The following PRAG1 variants were observed in gnomAD, a reference collection of about 807,000 sequenced individuals.
PRAG1 encodes the protein inactive tyrosine-protein kinase PRAG1.
Under a neutral mutation model 95.6 loss-of-function variants are expected in PRAG1, and 110 were observed. The observed-to-expected ratio is 1.15, with a 90% CI of 0.99 to 1.35. PRAG1 has a LOEUF of 1.35. PRAG1 is among the 40% of genes most tolerant of loss of function. The pLI is 0.00. For missense variants in PRAG1, 2,554 were observed against 1,864.7 expected (o/e 1.37, Z -6.81); for synonymous variants, 1,052 against 819.4 (o/e 1.28, Z -4.85).
chr8:8,374,607 C>T, intron 3 of PRAG1: 1 of 957,820 alleles, frequency 1.0e-6, no homozygotes, highest in Non-Finnish European at 1.2e-6. Flanking sequence ...CTTTTAAATC[C>T]ATCCCTGGCC....
chr8:8,354,152 C>T (rs1431139981), intron 3 of PRAG1, among the ~76,000 whole-genome samples: 1 of 151,736 alleles, frequency 6.6e-6, no homozygotes. Context: ...CTATTATGAA[C>T]AATTATATGC....
At position 8,328,205 on chromosome 8, in the gene PRAG1, T is replaced by A; in HGVS notation, c.2577A>T (p.Glu859Asp). ...LSHSETNVHD[E>D]SHFSYSLSPG... ...GGCTCAACGAATAGCTAAAGTGAGA[T>A]TCGTCGTGGACGTTGGTTTCCGAGT... Residue 859 changes from glutamate (E) to aspartate (D), a missense_variant, in exon 5 of 6, where the codon GAA becomes GAT. Coordinates refer to ENST00000615670, the MANE Select transcript of PRAG1 (RefSeq NM_001080826.3). 1 of 1,614,220 alleles carries A rather than the reference T, an allele frequency of 6.2e-7. No homozygotes were observed. Among genetic ancestry groups the A allele is most frequent in the Admixed American group, 1.7e-5 (1 of 60,034 alleles).
Position 8,376,383 on chromosome 8 carries a change from G to C in PRAG1, c.2026C>G (p.Pro676Ala). ...TTCTGCCCAGAGGAGCCATCTGTGG[G>C]GTGGAGACGGTGCCAGGTCGTGGAG... ...SNSTTWHRLH[P>A]TDGSSGQNSK... Residue 676 changes from proline to alanine, a missense_variant, in exon 3 of 6, where the codon CCC becomes GCC. Transcript: ENST00000615670. 1 of 1,614,146 alleles carries C rather than the reference G, an allele frequency of 6.2e-7. No individual in the cohort carries two copies. The highest frequency in any genetic ancestry group is 8.5e-7 in the Non-Finnish European group (1 of 1,180,042).
chr8:8,352,621 T>C (rs1046671805), intron 3 of PRAG1, among the ~76,000 whole-genome samples: 16 of 152,230 alleles, frequency 1.1e-4, no homozygotes, highest in African/African-American at 3.6e-4. Context: ...AGAAGTGAGA[T>C]GACCATATGC....
In PRAG1 at chr8:8,339,517, C is replaced by T. The variant is rs1372338959; in HGVS notation, c.2281G>A (p.Asp761Asn). 6.2e-7 allele frequency: 1 copy of T among 1,614,190 alleles called. No individual in the cohort carries two copies. Among genetic ancestry groups the T allele is most frequent in the Middle Eastern group, 1.7e-4 (1 of 6,054 alleles). Reference sequence around the variant, plus strand: ...GTCCTAGAGTCTGAGGCCAGGCTGTCCGTGGAGCCGGTGGTGAAGCTGACG... The same window carrying T: ...GTCCTAGAGTCTGAGGCCAGGCTGTTCGTGGAGCCGGTGGTGAAGCTGACG... The part of the protein sequence containing the change: ...VHVSFTTGST[D>N]SLASDSRTCS... The change falls in exon 4 of 6, where the codon GAC (aspartate) becomes AAC (asparagine). Residue 761 changes from aspartate to asparagine, a missense_variant. Transcript: ENST00000615670.
chr8:8,341,909 G>A (rs562702245), intron 3 of PRAG1, among the ~76,000 whole-genome samples: 1 of 152,274 alleles, frequency 6.6e-6, no homozygotes, highest in South Asian at 2.1e-4. Context: ...AAGGCGGGCA[G>A]ATCACTTGAG....
At chr8:8,340,284 G>C (rs997629678) in intron 3 of PRAG1, among the ~76,000 whole-genome samples, 1 of 152,160 alleles carries the variant, frequency 6.6e-6, no homozygotes, top group Admixed American at 6.5e-5. Flanking sequence ...TCTCTAAATA[G>C]CATCACCAAC....
intron 3 of PRAG1, among the ~76,000 whole-genome samples, chr8:8,346,822 T>C (rs6996615): frequency 0.025 from 3,794 of 152,222 alleles, 123 homozygotes; most frequent in African/African-American, 0.079. Context: ...CTGACTTTTG[T>C]TTGGTTCACA....
intron 4 of PRAG1, among the ~76,000 whole-genome samples, chr8:8,337,539 A>C (rs2117140659): frequency 6.6e-6 from 1 of 152,292 alleles, no homozygotes; most frequent in African/African-American, 2.4e-5. Context: ...GCCAGTTTCA[A>C]AACATGGTTC....
intron 3 of PRAG1, among the ~76,000 whole-genome samples, chr8:8,341,286 A>G (rs1799154433): frequency 6.6e-6 from 1 of 152,254 alleles, no homozygotes; most frequent in Non-Finnish European, 1.5e-5. Flanking sequence ...ACCAAAAAAT[A>G]CATAAACATG....
rs750550295 is a variant in PRAG1 at position 8,318,700 on chromosome 8, G to A, written c.3675C>T (p.Gly1225=). The change falls in exon 6 of 6, where the codon GGC becomes GGT. Residue 1225 remains glycine, a synonymous_variant. Coordinates refer to ENST00000615670, the MANE Select transcript of PRAG1 (RefSeq NM_001080826.3). This position sits in a 1 kb window ranked among gnomAD's most constrained non-coding sequence, Gnocchi z 4.2. ...SNFLKAKQKP[G]GTPNLQQKKS... ...TCTTCTGCTGCAGGTTTGGGGTGCC[G>A]CCCGGCTTCTGCTTGGCCTTCAAAA... 3 of 1,610,068 alleles carry A rather than the reference G, an allele frequency of 1.9e-6. No homozygotes were observed. Among genetic ancestry groups the A allele is most frequent in the East Asian group, 2.2e-5 (1 of 44,782 alleles).
intron 5 of PRAG1, among the ~76,000 whole-genome samples, chr8:8,321,635 G>A (rs1219618887): frequency 1.3e-5 from 2 of 152,158 alleles, no homozygotes; most frequent in African/African-American, 4.8e-5. Flanking sequence ...TAAATCCAAG[G>A]AGGAAGATGC....
chr8:8,318,321 G>A lies in PRAG1; in HGVS notation c.4054C>T (p.His1352Tyr). The part of the protein sequence containing the change: ...TSEEALCGTL[H>Y]NWIDMKRALM... Reference sequence around the variant, plus strand: ...GCCCGCTTCATGTCGATCCAGTTGTGCAGCGTGCCGCACAGCGCCTCCTCC... The same window carrying A: ...GCCCGCTTCATGTCGATCCAGTTGTACAGCGTGCCGCACAGCGCCTCCTCC... The change falls in exon 6 of 6, where the codon CAC becomes TAC. Residue 1352 changes from histidine to tyrosine, a missense_variant. By Grantham distance (83) the His-to-Tyr change is moderately conservative (BLOSUM62 2). Transcript: ENST00000615670. The surrounding 1 kb of genome is among the most constrained non-coding windows in gnomAD (Gnocchi z 4.2). 6.2e-7 allele frequency: 1 copy of A among 1,614,150 alleles called. No individual in the cohort carries two copies. The highest frequency in any genetic ancestry group is 8.5e-7 in the Non-Finnish European group (1 of 1,179,984).
At chr8:8,330,545 C>A (rs1798788431) in intron 4 of PRAG1, among the ~76,000 whole-genome samples, 1 of 152,114 alleles carries the variant, frequency 6.6e-6, no homozygotes, top group Non-Finnish European at 1.5e-5. Context: ...GATTTATACC[C>A]CTTCCAGGAG....
intron 5 of PRAG1, among the ~76,000 whole-genome samples, chr8:8,324,486 C>CCG (rs1798570161): frequency 1.3e-5 from 2 of 152,276 alleles, no homozygotes; most frequent in South Asian, 4.2e-4. Flanking sequence ...AGCTGTAGGC[C>CCG]CGCGCCGGAG....
chr8:8,381,176 C>CA (rs1465013065), intron 2 of PRAG1, among the ~76,000 whole-genome samples: 1 of 152,180 alleles, frequency 6.6e-6, no homozygotes, highest in African/African-American at 2.4e-5. Flanking sequence ...CTGCCCTACA[C>CA]AGTCTGCAAA....
rs1800440576 is a variant in PRAG1 at position 8,377,208 on chromosome 8, C to T, written c.1201G>A (p.Ala401Thr). 6.2e-7 allele frequency: 1 copy of T among 1,611,652 alleles called. No homozygotes were observed. Among genetic ancestry groups the T allele is most frequent in the Admixed American group, 1.7e-5 (1 of 59,952 alleles). ...LGLTGEPQPP[A>T]HPREATQPEP... Reference sequence around the variant, plus strand: ...GGCTGTGTAGCCTCCCGGGGGTGGGCCGGGGGCTGGGGCTCCCCCGTCAGC... The same window carrying T: ...GGCTGTGTAGCCTCCCGGGGGTGGGTCGGGGGCTGGGGCTCCCCCGTCAGC... The change falls in exon 3 of 6, where the codon GCC (alanine) becomes ACC (threonine). Residue 401 changes from alanine (A) to threonine (T), a missense_variant. Ala to Thr is a moderately conservative substitution (Grantham distance 58). Transcript: ENST00000615670.
chr8:8,353,293 AC>A (rs1358842296), intron 3 of PRAG1, among the ~76,000 whole-genome samples: 1 of 152,166 alleles, frequency 6.6e-6, no homozygotes, highest in Non-Finnish European at 1.5e-5. Flanking sequence ...TCCAGGATAG[AC>A]CACATGTTGG....
chr8:8,323,444 A>G (rs1359664786), intron 5 of PRAG1, among the ~76,000 whole-genome samples: 4 of 151,842 alleles, frequency 2.6e-5, no homozygotes, highest in Admixed American at 2.6e-4. Context: ...CAGCCTCCCA[A>G]GTGGCTGGGA....
Sources: allele counts gnomAD v4.1 joint callset (sites outside exome capture counted in the v4.1 genomes callset), GRCh38; gene constraint gnomAD v4.1.1; non-coding constraint Gnocchi (gnomAD v3.1); transcripts MANE v1.5; gene names NCBI Gene and HGNC (gene_info 2026-07-23, HGNC 2026-07-21).